Variants in BROX observed in about 807,000 individuals in gnomAD.
The protein encoded by BROX is BRO1 domain and CAAX motif containing, also known as BRO1 domain-containing protein BROX.
A neutral mutation model predicts 61.0 loss-of-function variants in BROX; 53 were observed. The observed-to-expected ratio is 0.87, with a 90% CI of 0.70 to 1.09. BROX has a LOEUF of 1.09. Among genes scored for constraint, BROX ranks in the 50% least tolerant of loss-of-function variants. The probability of loss-of-function intolerance (pLI) is 0.00; values close to 1 mark genes in which losing one functional copy is unlikely to be tolerated. For missense variants in BROX, 489 were observed against 472.0 expected, an observed-to-expected ratio of 1.04 and a Z score of -0.33; for synonymous variants, 152 against 160.2, an observed-to-expected ratio of 0.95 and a Z score of 0.38.
chr1:222,721,893 G>A (rs922191785), intron 4 of BROX, among the ~76,000 whole-genome samples: 1 of 152,004 alleles, frequency 6.6e-6, no homozygotes, highest in Non-Finnish European at 1.5e-5. Context: ...GGCTTTGATG[G>A]CATTGTTTCC....
Position 222,714,635 on chromosome 1 carries a change from G to A in BROX, c.-16-1049G>A, listed in dbSNP as rs1032265815. Among the ~76,000 whole-genome samples the A allele has an allele frequency of 2.3e-4, 35 of 151,412 alleles. 1 individual carries two copies. Among genetic ancestry groups the A allele is most frequent in the South Asian group, 8.4e-4 (4 of 4,788 alleles). On this transcript the variant is annotated intron_variant, in intron 1 of 12. Transcript: ENST00000340934. Reference sequence around the variant, plus strand: ...GATAGGATCTTGCCCTGTCGCCCAGGCTGGAGTGCCATGGGGAGATCAGGG... The same window carrying A: ...GATAGGATCTTGCCCTGTCGCCCAGACTGGAGTGCCATGGGGAGATCAGGG...
intron 11 of BROX, among the ~76,000 whole-genome samples, chr1:222,731,147 G>A (rs1657906029): frequency 6.6e-6 from 1 of 152,048 alleles, no homozygotes; most frequent in African/African-American, 2.4e-5. Flanking sequence ...CCCCTTGTCT[G>A]CATTCTCATG....
At chr1:222,722,320 C>T (rs1657161343) in intron 4 of BROX, 99 bp from the exon 5 acceptor site, 2 of 923,624 alleles carry the variant, frequency 2.2e-6, no homozygotes, top group African/African-American at 1.6e-5. Flanking sequence ...TACCAGTTAG[C>T]ATATACTTCT....
At chr1:222,714,129 C>A (rs184794592) in intron 1 of BROX, 1 of 151,922 alleles carries the variant, frequency 6.6e-6, no homozygotes, top group Non-Finnish European at 1.5e-5. Flanking sequence ...ATCTAATTGC[C>A]ATGTTTAGGT....
At chr1:222,716,911 C>G (rs1656668398) in intron 2 of BROX, among the ~76,000 whole-genome samples, 3 of 152,130 alleles carry the variant, frequency 2.0e-5, no homozygotes, top group African/African-American at 7.2e-5. Flanking sequence ...GTCAATGGAC[C>G]TGATTGACTA....
rs373498612 is a variant in BROX, at chr1:222,732,704, A to C, written c.1226A>C (p.Tyr409Ser). The C allele has an allele frequency of 6.2e-7, 1 of 1,610,488 alleles. No homozygotes were observed. Among genetic ancestry groups the C allele is most frequent in the East Asian group, 2.2e-5 (1 of 44,772 alleles). ...AAACCTCAAAAGGACACTGGGTGCT[A>C]CATCTCCTAAAATACAACTTGCACT... is the stretch of plus-strand genomic sequence containing the variant. ...DIKPQKDTGCYIS is the reference protein window; with the variant it reads ...DIKPQKDTGCSIS Residue 409 changes from tyrosine (Y) to serine (S), a missense_variant, in exon 13 of 13, where the codon TAC becomes TCC. Tyr to Ser is a moderately radical substitution (Grantham distance 144). Coordinates refer to ENST00000340934, the MANE Select transcript of BROX (RefSeq NM_144695.4).
rs1657550752 is a variant in BROX, at chr1:222,727,004, TTTTGTTAATG to T, written c.581-159_581-150del. ...ATTGGAACCAACAAACTCAGTGTTT[TTTTGTTAATG>T]TTTGCATTTTCTATAAGTTTGCACG... On this transcript the variant is annotated intron_variant, in intron 7 of 12. Transcript: ENST00000340934. 3.3e-5 allele frequency among the ~76,000 whole-genome samples: 5 copies of T among 152,382 alleles called. No homozygotes were observed. The South Asian group carries it at 1.0e-3, about 32-fold the overall frequency.
At chr1:222,723,789 G>A (rs184416005) in intron 5 of BROX, among the ~76,000 whole-genome samples, 6 of 151,932 alleles carry the variant, frequency 3.9e-5, no homozygotes, top group East Asian at 1.9e-4. Context: ...AGTGATTTTC[G>A]TGCCTCAGCC....
chr1:222,713,117 A>G, intron 1 of BROX, 175 bp downstream of exon 1: 1 of 1,005,814 alleles, frequency 9.9e-7, no homozygotes, highest in Non-Finnish European at 1.2e-6. Flanking sequence ...CATATTGGTC[A>G]CCACAAATCA....
At chr1:222,727,595 G>A (rs994675517) in intron 8 of BROX, among the ~76,000 whole-genome samples, 2 of 152,092 alleles carry the variant, frequency 1.3e-5, no homozygotes, top group Non-Finnish European at 2.9e-5. Context: ...GCTAGAAAGT[G>A]GGAGATTGGG....
intron 1 of BROX, chr1:222,713,195 T>C: frequency 2.0e-6 from 2 of 983,638 alleles, no homozygotes; most frequent in Non-Finnish European, 2.4e-6. Flanking sequence ...GGAGAGCTTA[T>C]AATACAAGCT....
chr1:222,729,400 A>G (rs866736254), intron 9 of BROX, among the ~76,000 whole-genome samples: 4 of 152,282 alleles, frequency 2.6e-5, no homozygotes, highest in Middle Eastern at 3.4e-3. Flanking sequence ...ATTTCAGCAA[A>G]TAACTTTTTC....
intron 2 of BROX, among the ~76,000 whole-genome samples, chr1:222,718,493 G>T (rs1175769648): frequency 2.0e-5 from 3 of 152,074 alleles, no homozygotes; most frequent in Non-Finnish European, 4.4e-5. Context: ...ATATTAAAAT[G>T]ATACACAGAT....
rs2125047247 is a variant in BROX at position 222,732,662 on chromosome 1, T to C, written c.1184T>C (p.Val395Ala). ...AAACCAGAAGAAGAAGTGAAACCTG[T>C]GAAAGAACCAGACATCAAACCTCAA... ...KPKPEEEVKP[V>A]KEPDIKPQKD... is the part of the protein sequence containing the mutation. The change falls in exon 13 of 13, where the codon GTG (valine) becomes GCG (alanine). Residue 395 changes from valine to alanine, a missense_variant. Coordinates refer to ENST00000340934, the MANE Select transcript of BROX (RefSeq NM_144695.4). 1.9e-6 allele frequency: 3 copies of C among 1,613,758 alleles called. No homozygotes were observed. The highest frequency in any genetic ancestry group is 2.5e-6 in the Non-Finnish European group (3 of 1,179,794).
intron 6 of BROX, among the ~76,000 whole-genome samples, chr1:222,724,664 CT>C (rs1657366998): frequency 1.3e-5 from 2 of 152,302 alleles, no homozygotes; most frequent in East Asian, 3.9e-4. Flanking sequence ...CAATGTCCCC[CT>C]ACGTCATTCT....
At chr1:222,717,351 ACTT>A (rs1656710851) in intron 2 of BROX, among the ~76,000 whole-genome samples, 1 of 152,204 alleles carries the variant, frequency 6.6e-6, no homozygotes, top group Non-Finnish European at 1.5e-5. Context: ...AAGTCCCTTA[ACTT>A]CTTTGGGCCT....
chr1:222,722,492 T>G lies in BROX; in HGVS notation c.379T>G (p.Ser127Ala). The change falls in exon 5 of 13, where the codon TCA becomes GCA. Residue 127 changes from serine to alanine, a missense_variant. Coordinates refer to ENST00000340934, the MANE Select transcript of BROX (RefSeq NM_144695.4). The part of the protein sequence containing the change: ...NVALWYTKYA[S>A]RLAGKENITE... ...AGCTTTATGGTATACCAAATATGCT[T>G]CAAGACTGGCTGGAAAAGAAAAGTA... is the stretch of plus-strand genomic sequence containing the variant. 1 of 1,612,400 alleles carries G rather than the reference T, an allele frequency of 6.2e-7. No homozygotes were observed. Among genetic ancestry groups the G allele is most frequent in the East Asian group, 2.2e-5 (1 of 44,828 alleles).
chr1:222,726,648 C>T (rs550981582), intron 7 of BROX, among the ~76,000 whole-genome samples: 4 of 151,200 alleles, frequency 2.6e-5, no homozygotes, highest in Admixed American at 6.6e-5. Context: ...ACCTGGGAGG[C>T]GGAGGTTGTG....
chr1:222,731,624 T>A, intron 12 of BROX, 108 bp downstream of exon 12: 1 of 1,228,852 alleles, frequency 8.1e-7, no homozygotes, highest in Non-Finnish European at 1.1e-6. Flanking sequence ...TTTGTCTAAA[T>A]GTTAAGTTAG....
Sources: gnomAD v4.1 joint callset for allele counts (sites outside exome capture counted in the v4.1 genomes callset) on GRCh38, gnomAD v4.1.1 for gene constraint, MANE v1.5 for transcripts, NCBI Gene and HGNC (gene_info 2026-07-23, HGNC 2026-07-21) for gene names.